IDE: variants seen among roughly 807,000 people sequenced by gnomAD.
The protein encoded by IDE is insulin degrading enzyme, also known as insulin-degrading enzyme.
IDE carries 58 observed loss-of-function variants against 133.2 expected under a neutral mutation model. The observed-to-expected ratio is 0.44, with a 90% CI of 0.35 to 0.54. The LOEUF (loss-of-function observed/expected upper bound fraction) is 0.54. Ranked by LOEUF, IDE falls within the 20% of genes least tolerant of loss-of-function variation. IDE has a pLI of 0.00. For synonymous variants in IDE, 396 were observed against 421.3 expected, an observed-to-expected ratio of 0.94 and a Z score of 0.73; for missense variants, 981 against 1,234.0, an observed-to-expected ratio of 0.79 and a Z score of 3.07.
At chr10:92,507,732 C>T in intron 8 of IDE, 66 bp from the exon 9 acceptor site, 1 of 897,762 alleles carries the variant, frequency 1.1e-6, no homozygotes. Context: ...TGAGCTCACT[C>T]CTAAGGTAAA....
At chr10:92,563,180 C>A (rs942724154) in intron 1 of IDE, among the ~76,000 whole-genome samples, 4 of 151,860 alleles carry the variant, frequency 2.6e-5, no homozygotes, top group African/African-American at 9.7e-5. Flanking sequence ...GAACCCGGGA[C>A]GCGGAGGTTG....
chr10:92,474,177 A>G (rs112276626), intron 17 of IDE, among the ~76,000 whole-genome samples: 118 of 152,070 alleles, frequency 7.8e-4, no homozygotes, highest in African/African-American at 2.8e-3. Context: ...AATCCTCTCA[A>G]CCACAGCCTC....
rs1845827507 is a variant in IDE at position 92,468,959 on chromosome 10, T to G, written c.2240A>C (p.Asp747Ala). 1.2e-6 allele frequency: 2 copies of G among 1,610,322 alleles called. No homozygotes were observed. The highest frequency in any genetic ancestry group is 8.5e-7 in the Non-Finnish European group (1 of 1,176,552). The change falls in exon 19 of 25, where the codon GAC (aspartate) becomes GCC (alanine). Residue 747 changes from aspartate (D) to alanine (A), a missense_variant. By Grantham distance (126) the Asp-to-Ala change is moderately radical (BLOSUM62 -2). Around this residue, in one of 2 missense-constraint regions of IDE, gnomAD observed 660 missense variants for 894.7 expected, o/e 0.74. Transcript: ENST00000265986. Reference sequence around the variant, plus strand: ...GGTATGAGCATGTTCAATGAGGGTGTCTTCAACCATCTGCATAATTCCTAA... The same window carrying G: ...GGTATGAGCATGTTCAATGAGGGTGGCTTCAACCATCTGCATAATTCCTAA... Reference protein sequence around the residue: ...AALGIMQMVEDTLIEHAHTKP... With the variant: ...AALGIMQMVEATLIEHAHTKP...
intron 17 of IDE, among the ~76,000 whole-genome samples, chr10:92,471,288 T>C (rs897038745): frequency 1.3e-5 from 2 of 152,184 alleles, no homozygotes; most frequent in African/African-American, 4.8e-5. Flanking sequence ...GATCTACCAA[T>C]GGATGCTAAA....
chr10:92,528,010 G>T (rs1443852464), intron 4 of IDE, among the ~76,000 whole-genome samples: 1 of 152,058 alleles, frequency 6.6e-6, no homozygotes, highest in Non-Finnish European at 1.5e-5. Context: ...TAGTGTGTTT[G>T]TCTTCTTTCT....
At chr10:92,495,956 CCTCCG>C (rs994534773) in intron 11 of IDE, among the ~76,000 whole-genome samples, 7 of 151,686 alleles carry the variant, frequency 4.6e-5, no homozygotes, top group African/African-American at 1.7e-4. Context: ...CTCACTGCAA[CCTCCG>C]CCCCCTGGGT....
chr10:92,464,653 A>G (rs115914463), intron 20 of IDE, among the ~76,000 whole-genome samples: 1,842 of 152,238 alleles, frequency 0.012, 49 homozygotes, highest in African/African-American at 0.043. Context: ...GGAAGTTTCT[A>G]TCTTCAACAT....
chr10:92,532,713 G>A (rs1850008477), intron 3 of IDE, among the ~76,000 whole-genome samples: 1 of 150,208 alleles, frequency 6.7e-6, no homozygotes, highest in East Asian at 1.9e-4. Flanking sequence ...TTTAACTCAT[G>A]ATTCCTGTAG....
intron 5 of IDE, among the ~76,000 whole-genome samples, chr10:92,510,754 T>C (rs1230829966): frequency 2.1e-5 from 3 of 142,906 alleles, no homozygotes; most frequent in East Asian, 2.0e-4. Flanking sequence ...AGCACATACA[T>C]CTCACATATA....
intron 1 of IDE, among the ~76,000 whole-genome samples, chr10:92,558,418 G>A (rs1843117167): frequency 1.3e-5 from 2 of 152,094 alleles, no homozygotes; most frequent in Admixed American, 6.6e-5. Context: ...TGGCTTCTTA[G>A]ATATGACATC....
chr10:92,559,737 ATT>A (rs67531776), intron 1 of IDE, among the ~76,000 whole-genome samples: 13,544 of 133,984 alleles, frequency 0.1, 694 homozygotes, highest in African/African-American at 0.17. Flanking sequence ...TGAATGGTAT[ATT>A]TTTTTTTTTT....
Position 92,456,364 on chromosome 10 carries a change from T to C in IDE, c.2891A>G (p.Asp964Gly), listed in dbSNP as rs770605852. ...VSVHVLAREM[D>G]SCPVVGEFPC... Reference sequence around the variant, plus strand: ...AGGCAACATTTGATACTTACAAGAATCCATTTCCCTGGCAAGAACATGGAC... The same window carrying C: ...AGGCAACATTTGATACTTACAAGAACCCATTTCCCTGGCAAGAACATGGAC... Residue 964 changes from aspartate (D) to glycine (G), a missense_variant, in exon 23 of 25, where the codon GAT (aspartate) becomes GGT (glycine). Asp to Gly is a moderately conservative substitution (Grantham distance 94). This residue lies in a region of IDE where 660 missense variants were observed against 894.7 expected (regional missense o/e 0.74). Transcript: ENST00000265986. 1.2e-6 allele frequency: 2 copies of C among 1,611,794 alleles called. No homozygotes were observed. Among genetic ancestry groups the C allele is most frequent in the Non-Finnish European group, 1.7e-6 (2 of 1,177,858 alleles).
chr10:92,573,153 A>C (rs1447127553), intron 1 of IDE: 1 of 985,330 alleles, frequency 1.0e-6, no homozygotes, highest in Non-Finnish European at 1.2e-6. Context: ...TACAAGCCTG[A>C]AAACGCCTAG....
At chr10:92,513,100 T>C (rs1489966661) in intron 5 of IDE, among the ~76,000 whole-genome samples, 1 of 152,238 alleles carries the variant, frequency 6.6e-6, no homozygotes, top group African/African-American at 2.4e-5. Context: ...AGTTCTTAAT[T>C]ACTATACAAC....
At chr10:92,493,144 G>A (rs553976953) in intron 11 of IDE, among the ~76,000 whole-genome samples, 4 of 152,300 alleles carry the variant, frequency 2.6e-5, no homozygotes, top group Admixed American at 1.3e-4. Context: ...CAAGAATCCC[G>A]TTTGAGGTGT....
intron 22 of IDE, among the ~76,000 whole-genome samples, chr10:92,456,722 C>T: frequency 6.6e-6 from 1 of 151,462 alleles, no homozygotes; most frequent in East Asian, 1.9e-4. Context: ...GCTTGTAATC[C>T]CAGATACTTG....
chr10:92,502,423 C>A (rs1203965288), intron 11 of IDE, among the ~76,000 whole-genome samples: 2 of 152,040 alleles, frequency 1.3e-5, no homozygotes, highest in Non-Finnish European at 2.9e-5. Context: ...ATTATAAATA[C>A]TTCTTTTAAT....
At chr10:92,513,797 T>C (rs1313338901) in intron 5 of IDE, among the ~76,000 whole-genome samples, 1 of 151,976 alleles carries the variant, frequency 6.6e-6, no homozygotes, top group Non-Finnish European at 1.5e-5. Context: ...TTACCTATGA[T>C]GTGCCAAGCA....
intron 11 of IDE, among the ~76,000 whole-genome samples, chr10:92,499,296 G>T (rs1040884729): frequency 6.6e-6 from 1 of 151,840 alleles, no homozygotes; most frequent in Non-Finnish European, 1.5e-5. Context: ...CGATTCTCCT[G>T]CCTCAGCCTC....
Sources: allele counts gnomAD v4.1 joint callset (sites outside exome capture counted in the v4.1 genomes callset), GRCh38; gene constraint gnomAD v4.1.1; regional missense constraint gnomAD v4.1.1; transcripts MANE v1.5; gene names NCBI Gene and HGNC (gene_info 2026-07-23, HGNC 2026-07-21).